Variants in COL23A1 observed in about 807,000 individuals in gnomAD.
The protein encoded by COL23A1 is collagen type XXIII alpha 1 chain, also known as collagen alpha-1(XXIII) chain.
In COL23A1, 97 loss-of-function variants were observed where a neutral mutation model predicts 99.3. That is an observed-to-expected ratio of 0.98 (90% CI 0.83 to 1.16). COL23A1 has a LOEUF of 1.16. Among genes scored for constraint, COL23A1 ranks in the 50% most tolerant of loss-of-function variants. The pLI, the probability that COL23A1 is intolerant of heterozygous loss-of-function variation, is 0.00. For synonymous variants in COL23A1, 320 were observed against 308.2 expected, an observed-to-expected ratio of 1.04 and a Z score of -0.40; for missense variants, 762 against 757.4, an observed-to-expected ratio of 1.01 and a Z score of -0.07.
chr5:178,258,731 G>A (rs1291392057), intron 12 of COL23A1, among the ~76,000 whole-genome samples: 1 of 151,874 alleles, frequency 6.6e-6, no homozygotes, highest in African/African-American at 2.4e-5. Context: ...GTCTCGCGCT[G>A]TTATCCAGGC....
At chr5:178,265,630 C>G (rs1389712354) in intron 8 of COL23A1, 1 of 978,168 alleles carries the variant, frequency 1.0e-6, no homozygotes, top group East Asian at 1.1e-4. Flanking sequence ...GCCATCAGGT[C>G]CAGACCCCCA....
chr5:178,269,591 AATCCATCC>A (rs535673246), intron 6 of COL23A1, among the ~76,000 whole-genome samples: 1,502 of 90,754 alleles, frequency 0.017, 30 homozygotes, highest in African/African-American at 0.067. Flanking sequence ...CTCATCCATC[AATCCATCC>A]ATCCATCCAT....
At chr5:178,327,716 G>T (rs1759771213) in intron 2 of COL23A1, among the ~76,000 whole-genome samples, 1 of 152,074 alleles carries the variant, frequency 6.6e-6, no homozygotes. Context: ...CTGTCCAGGG[G>T]TGCAGACAGT....
chr5:178,269,446 C>CTAT (rs1756125815), intron 6 of COL23A1, among the ~76,000 whole-genome samples: 2 of 104,998 alleles, frequency 1.9e-5, no homozygotes, highest in Non-Finnish European at 2.0e-5. Flanking sequence ...CACCCATCCA[C>CTAT]CCATCCACCC....
At position 178,310,981 on chromosome 5, in the gene COL23A1, C is replaced by CAAGGTCTTGCCCCGATAGGGCA. The variant is rs1758639221; in HGVS notation, c.362-4063_362-4062insTGCCCTATCGGGGCAAGACCTT. 6.6e-6 allele frequency among the ~76,000 whole-genome samples: 1 copy of CAAGGTCTTGCCCCGATAGGGCA among 152,100 alleles called. No individual in the cohort carries two copies. The highest frequency in any genetic ancestry group is 1.5e-5 in the Non-Finnish European group (1 of 68,036). The stretch of plus-strand genomic sequence containing the variant: ...GAAACTGAGGCTGCAAGGGATAGGA[C>CAAGGTCTTGCCCCGATAGGGCA]AGGTCTTGCCCACGGATGCTGCTGG... On this transcript the variant is annotated intron_variant, in intron 2 of 28. Coordinates refer to ENST00000390654, the MANE Select transcript of COL23A1 (RefSeq NM_173465.4). This position sits in a 1 kb window ranked among gnomAD's most constrained non-coding sequence, Gnocchi z 4.3.
chr5:178,349,407 G>A (rs1761176541), intron 2 of COL23A1, among the ~76,000 whole-genome samples: 1 of 152,170 alleles, frequency 6.6e-6, no homozygotes, highest in Non-Finnish European at 1.5e-5. Flanking sequence ...GTGATGCTGT[G>A]ACTGGCTTCC....
At chr5:178,247,465 G>A in intron 22 of COL23A1, 61 bp downstream of exon 22, 1 of 1,594,582 alleles carries the variant, frequency 6.3e-7, no homozygotes, top group Non-Finnish European at 8.6e-7. Context: ...CATTGGCAAG[G>A]CTCTTGGAAA....
At chr5:178,312,933 G>A (rs148293493) in intron 2 of COL23A1, among the ~76,000 whole-genome samples, 142 of 152,342 alleles carry the variant, frequency 9.3e-4, no homozygotes, top group African/African-American at 3.3e-3. Context: ...CAGCCAAAAG[G>A]TGGAAGCAAC....
rs191749630 is a variant in COL23A1 at position 178,514,380 on chromosome 5, A to C, written c.361+46302T>G. On this transcript the variant is annotated intron_variant, in intron 2 of 28. Coordinates refer to ENST00000390654, the MANE Select transcript of COL23A1 (RefSeq NM_173465.4). ...GATTAGGGCTGCTGTGAACATGGGAACCTCTTTCCAAGCCCCTGCTTTCAA... is the reference window on the plus strand; with the variant it reads ...GATTAGGGCTGCTGTGAACATGGGACCCTCTTTCCAAGCCCCTGCTTTCAA... Among the ~76,000 whole-genome samples the C allele has an allele frequency of 3.2e-3, 493 of 152,260 alleles. 3 individuals are homozygous for C. The highest frequency in any genetic ancestry group is 0.011 in the African/African-American group (470 of 41,540).
Position 178,305,479 on chromosome 5 carries a change from T to G in COL23A1, c.406+1396A>C, listed in dbSNP as rs940238417. Reference sequence around the variant, plus strand: ...CACCATGGCCACCTTGTGAAGTTGCTTAGGGGCTGGGCATTCATTCGTTCG... The same window carrying G: ...CACCATGGCCACCTTGTGAAGTTGCGTAGGGGCTGGGCATTCATTCGTTCG... On this transcript the variant is annotated intron_variant, in intron 3 of 28. Coordinates refer to ENST00000390654, the MANE Select transcript of COL23A1 (RefSeq NM_173465.4). Among the ~76,000 whole-genome samples, 221 of 152,270 alleles carry G rather than the reference T, an allele frequency of 1.5e-3. 2 individuals are homozygous for G. The highest frequency in any genetic ancestry group is 1.2e-4 in the Non-Finnish European group (8 of 68,016).
At position 178,344,527 on chromosome 5, in the gene COL23A1, C is replaced by T. The variant is rs187884269; in HGVS notation, c.362-37608G>A. The stretch of plus-strand genomic sequence containing the variant: ...TGGCGTGCCCTTGTAGTCCCAGCTA[C>T]GCAGGAGGCTGAGGCAGGACAACCA... On this transcript the variant is annotated intron_variant, in intron 2 of 28. Transcript: ENST00000390654. 5.9e-5 allele frequency among the ~76,000 whole-genome samples: 9 copies of T among 152,206 alleles called. No individual in the cohort carries two copies. The East Asian group carries it at 1.2e-3, about 20-fold the overall frequency.
intron 2 of COL23A1, among the ~76,000 whole-genome samples, chr5:178,401,215 C>T (rs1220733314): frequency 1.3e-5 from 2 of 152,342 alleles, no homozygotes; most frequent in African/African-American, 2.4e-5. Flanking sequence ...AATACTCCAT[C>T]GTATGGATGG....
At chr5:178,565,662 C>A (rs1226766822) in intron 1 of COL23A1, among the ~76,000 whole-genome samples, 5 of 152,048 alleles carry the variant, frequency 3.3e-5, no homozygotes, top group African/African-American at 1.2e-4. Flanking sequence ...CTGATAACCC[C>A]CACGCGGCTG....
chr5:178,556,134 G>C (rs1414623910), intron 2 of COL23A1, among the ~76,000 whole-genome samples: 2 of 152,118 alleles, frequency 1.3e-5, no homozygotes, highest in Non-Finnish European at 2.9e-5. Context: ...TGCATTACAG[G>C]ACATTCCAAC....
chr5:178,380,703 C>T (rs1030055468), intron 2 of COL23A1, among the ~76,000 whole-genome samples: 4 of 152,220 alleles, frequency 2.6e-5, no homozygotes, highest in African/African-American at 7.2e-5. Flanking sequence ...AGAGGACGGC[C>T]GGGACAGAGG....
At chr5:178,436,644 A>G (rs1047113931) in intron 2 of COL23A1, among the ~76,000 whole-genome samples, 6 of 152,232 alleles carry the variant, frequency 3.9e-5, no homozygotes, top group Non-Finnish European at 5.9e-5. Flanking sequence ...ATCCCTGTGC[A>G]GCGGTGGTGA....
intron 3 of COL23A1, among the ~76,000 whole-genome samples, chr5:178,299,191 C>CA (rs746589320): frequency 2.0e-5 from 3 of 152,142 alleles, no homozygotes; most frequent in Non-Finnish European, 4.4e-5. Context: ...GTGTTCTCGC[C>CA]ATTTCTATTT....
At chr5:178,542,891 C>CA (rs1427392719) in intron 2 of COL23A1, among the ~76,000 whole-genome samples, 6 of 152,188 alleles carry the variant, frequency 3.9e-5, no homozygotes, top group African/African-American at 1.4e-4. Flanking sequence ...TTATACCATG[C>CA]ATTATTTTAT....
At position 178,256,342 on chromosome 5, in the gene COL23A1, C is replaced by T. The variant is rs1581462997; in HGVS notation, c.882+11G>A. On this transcript the variant is annotated intron_variant, in intron 15 of 28. Transcript: ENST00000390654. ...CATCCCTGAGGCCTCGCCTGAGGGG[C>T]GGCAGCTTACCCGGGGCCCTGCAGC... 3.1e-6 allele frequency: 5 copies of T among 1,595,900 alleles called. No homozygotes were observed. The highest frequency in any genetic ancestry group is 2.7e-5 in the African/African-American group (2 of 74,504).
Sources: allele counts gnomAD v4.1 joint callset (sites outside exome capture counted in the v4.1 genomes callset), GRCh38; gene constraint gnomAD v4.1.1; non-coding constraint Gnocchi (gnomAD v3.1); transcripts MANE v1.5; gene names NCBI Gene and HGNC (gene_info 2026-07-23, HGNC 2026-07-21).